NAV2: variants seen among roughly 807,000 people sequenced by gnomAD.
NAV2 encodes the protein helicase, APC down-regulated 1.
NAV2 carries 54 observed loss-of-function variants against 223.2 expected under a neutral mutation model. The observed-to-expected ratio is 0.24, with a 90% CI of 0.19 to 0.30. The LOEUF is 0.30. Among genes scored for constraint, NAV2 ranks in the 10% least tolerant of loss-of-function variants. NAV2 has a pLI of 1.00. For missense variants in NAV2, 2,806 were observed against 3,147.5 expected, an observed-to-expected ratio of 0.89 and a Z score of 2.60; for synonymous variants, 1,279 against 1,239.3, an observed-to-expected ratio of 1.03 and a Z score of -0.67.
At chr11:19,861,993 T>C (rs1376318140) in intron 3 of NAV2, among the ~76,000 whole-genome samples, 3 of 152,032 alleles carry the variant, frequency 2.0e-5, no homozygotes, top group Non-Finnish European at 1.5e-5. Context: ...TAGCTACAAC[T>C]CCCCTCCCAG....
chr11:19,355,034 C>T (rs1026835888), intron 1 of NAV2, among the ~76,000 whole-genome samples: 2 of 152,178 alleles, frequency 1.3e-5, no homozygotes, highest in Admixed American at 1.3e-4. Context: ...GGGGCTTCTG[C>T]ATAGAGAAAT....
Position 20,105,619 on chromosome 11 carries a change from G to T in NAV2, c.6733G>T (p.Gly2245Trp). The stretch of plus-strand genomic sequence containing the variant: ...GAAGCTCATGGAAACAGAGATCAGT[G>T]GGCGGGTGCGCAATATGGAGCTGGT... ...RRKLMETEIS[G>W]RVRNMELVKI... The change falls in exon 35 of 38, where the codon GGG (glycine) becomes TGG (tryptophan). Residue 2245 changes from glycine to tryptophan, a missense_variant. By Grantham distance (184) the Gly-to-Trp change is radical. Transcript: ENST00000349880. 1 of 1,614,054 alleles carries T rather than the reference G, an allele frequency of 6.2e-7. No homozygotes were observed. Among genetic ancestry groups the T allele is most frequent in the Middle Eastern group, 1.7e-4 (1 of 6,034 alleles).
chr11:19,468,538 C>G (rs1852452010), intron 1 of NAV2, among the ~76,000 whole-genome samples: 1 of 152,178 alleles, frequency 6.6e-6, no homozygotes, highest in South Asian at 2.1e-4. Flanking sequence ...CTCTCCTCTT[C>G]TTATAAGGAC....
At chr11:20,078,618 C>G (rs1481918851) in intron 24 of NAV2, among the ~76,000 whole-genome samples, 1 of 152,160 alleles carries the variant, frequency 6.6e-6, no homozygotes, top group African/African-American at 2.4e-5. Flanking sequence ...GCCAGCATGC[C>G]TGGCTAATTT....
At chr11:19,646,499 A>C (rs2047819932) in intron 1 of NAV2, among the ~76,000 whole-genome samples, 1 of 152,140 alleles carries the variant, frequency 6.6e-6, no homozygotes, top group South Asian at 2.1e-4. Flanking sequence ...TCATGACCAC[A>C]TCTGAGCTGA....
intron 3 of NAV2, among the ~76,000 whole-genome samples, chr11:19,845,432 G>T (rs1254475120): frequency 2.0e-5 from 3 of 152,172 alleles, no homozygotes; most frequent in Non-Finnish European, 4.4e-5. Context: ...TGTTAGGAGG[G>T]TAATGGGCTC....
intron 19 of NAV2, among the ~76,000 whole-genome samples, chr11:20,060,182 G>T (rs1282956259): frequency 6.6e-6 from 1 of 152,212 alleles, no homozygotes; most frequent in Non-Finnish European, 1.5e-5. Flanking sequence ...AAATAGAAAA[G>T]AAAAAACTTC....
intron 5 of NAV2, among the ~76,000 whole-genome samples, chr11:19,883,890 C>T (rs7940961): frequency 0.1 from 15,339 of 152,168 alleles, 1,342 homozygotes; most frequent in African/African-American, 0.24. Context: ...TTATGGGATA[C>T]TGAGGACATT....
intron 1 of NAV2, among the ~76,000 whole-genome samples, chr11:19,695,879 G>A (rs1342008825): frequency 9.2e-5 from 1 of 10,918 alleles, no homozygotes; most frequent in Non-Finnish European, 3.7e-4. Context: ...ACTCCAGCCT[G>A]GATGAAATAA....
intron 2 of NAV2, among the ~76,000 whole-genome samples, chr11:19,839,024 A>T (rs575064183): frequency 6.6e-6 from 1 of 152,278 alleles, no homozygotes; most frequent in South Asian, 2.1e-4. Context: ...CTTTTCTGCC[A>T]TCATCTTCTA....
chr11:19,581,245 G>A (rs1203748392), intron 1 of NAV2, among the ~76,000 whole-genome samples: 2 of 152,024 alleles, frequency 1.3e-5, no homozygotes, highest in African/African-American at 2.4e-5. Context: ...AGTATTCTTA[G>A]CATAAGTTCT....
intron 1 of NAV2, chr11:19,777,748 G>A (rs544270786): frequency 2.4e-6 from 1 of 418,484 alleles, no homozygotes; most frequent in East Asian, 7.2e-5. Context: ...TTGAAGGGGG[G>A]TGGGACTGGG....
intron 1 of NAV2, among the ~76,000 whole-genome samples, chr11:19,634,012 G>T (rs939646839): frequency 6.6e-6 from 1 of 152,188 alleles, no homozygotes; most frequent in Non-Finnish European, 1.5e-5. Context: ...CTTCATAAAG[G>T]TATGTTCCTT....
chr11:20,034,351 GT>G (rs35333298), intron 11 of NAV2, among the ~76,000 whole-genome samples: 57,818 of 130,610 alleles, frequency 0.44, 11,744 homozygotes, highest in Middle Eastern at 0.55. Flanking sequence ...CGATCAGCAA[GT>G]TTTTTTTTTG....
At chr11:19,668,392 G>A (rs2048480569) in intron 1 of NAV2, among the ~76,000 whole-genome samples, 1 of 151,938 alleles carries the variant, frequency 6.6e-6, no homozygotes, top group African/African-American at 2.4e-5. Flanking sequence ...AATCAGCCAG[G>A]CGTGGTGACT....
intron 1 of NAV2, among the ~76,000 whole-genome samples, chr11:19,802,559 T>C (rs534590062): frequency 1.3e-5 from 2 of 152,178 alleles, no homozygotes; most frequent in South Asian, 4.2e-4. Context: ...TCTAGATACT[T>C]AAAGCAATTA....
intron 26 of NAV2, among the ~76,000 whole-genome samples, chr11:20,087,290 G>A (rs1451836282): frequency 2.0e-5 from 3 of 152,188 alleles, no homozygotes. Context: ...GGAATCGGGT[G>A]GGGTTGGCTC....
At chr11:19,983,909 C>CT (rs1428995247) in intron 10 of NAV2, among the ~76,000 whole-genome samples, 2 of 150,152 alleles carry the variant, frequency 1.3e-5, no homozygotes, top group Admixed American at 1.3e-4. Flanking sequence ...AGTTCGCTCT[C>CT]TTTTTTCACC....
Position 19,618,492 on chromosome 11 carries a change from A to AGATGGATG in NAV2, c.76-213950_76-213943dup, listed in dbSNP as rs72080375. ...TGAATGGCTATATGGCTGTCTGGAT[A>AGATGGATG]GATGGATGGATGGATGGATGGATGG... On this transcript the variant is annotated intron_variant, in intron 1 of 37. Coordinates refer to the NAV2 transcript ENST00000360655. Among the ~76,000 whole-genome samples the AGATGGATG allele has an allele frequency of 4.3e-3, 587 of 137,098 alleles. 5 individuals carry two copies. The highest frequency in any genetic ancestry group is 0.015 in the African/African-American group (539 of 35,930). The allele number at this position is 137,098 out of a possible 152,430, so 89.9% of individuals were successfully genotyped here. A position where few individuals can be genotyped will look rare whatever the true frequency, so the allele number is the denominator to read the frequency against.
Sources: gnomAD v4.1 joint callset for allele counts (sites outside exome capture counted in the v4.1 genomes callset) on GRCh38, gnomAD v4.1.1 for gene constraint, MANE v1.5 for transcripts, NCBI Gene and HGNC (gene_info 2026-07-23, HGNC 2026-07-21) for gene names.